The following UTS2B variants were observed in gnomAD, a reference collection of about 807,000 sequenced individuals.
UTS2B encodes urotensin 2B, also known as urotensin-2B.
Under a neutral mutation model 19.2 loss-of-function variants are expected in UTS2B, and 21 were observed. The ratio of observed to expected loss-of-function variants is 1.09; its 90% CI spans 0.78 to 1.58. The LOEUF (loss-of-function observed/expected upper bound fraction) is 1.58, where lower values mean the gene tolerates loss of function less well. Among genes scored for constraint, UTS2B ranks in the 40% most tolerant of loss-of-function variants. The pLI is 0.00. For missense variants in UTS2B, 138 were observed against 130.3 expected, an observed-to-expected ratio of 1.06 and a Z score of -0.29; for synonymous variants, 57 against 50.2, an observed-to-expected ratio of 1.14 and a Z score of -0.58.
At chr3:191,299,758 T>C (rs12488853) in intron 4 of UTS2B, among the ~76,000 whole-genome samples, 4,720 of 152,004 alleles carry the variant, frequency 0.031, 165 homozygotes, top group East Asian at 0.14. Context: ...AACACCAGAA[T>C]TGTAGATACA....
intron 2 of UTS2B, among the ~76,000 whole-genome samples, chr3:191,324,351 AGAGT>A (rs1444046544): frequency 6.6e-6 from 1 of 152,238 alleles, no homozygotes; most frequent in African/African-American, 2.4e-5. Context: ...AACTGAAAAT[AGAGT>A]AAGACAGATG....
chr3:191,345,081 G>T, the UTS2B span, among the ~76,000 whole-genome samples: 4 of 152,176 alleles, frequency 2.6e-5, no homozygotes, highest in African/African-American at 9.7e-5. Context: ...TGTCCTGATT[G>T]AGCTCATTTT....
intron 3 of UTS2B, among the ~76,000 whole-genome samples, chr3:191,315,699 C>T (rs1194129271): frequency 6.6e-6 from 1 of 152,178 alleles, no homozygotes; most frequent in African/African-American, 2.4e-5. Flanking sequence ...GAACATTCGT[C>T]TCATGTTTTC....
intron 5 of UTS2B, among the ~76,000 whole-genome samples, 174 bp downstream of exon 5, chr3:191,281,913 C>T (rs6788097): frequency 0.5 from 76,552 of 151,590 alleles, 21,082 homozygotes; most frequent in Middle Eastern, 0.63. Flanking sequence ...AAAAGAACAG[C>T]ATTGAAGATG....
chr3:191,282,010 GA>G, intron 5 of UTS2B, 76 bp downstream of exon 5: 1 of 1,099,522 alleles, frequency 9.1e-7, no homozygotes, highest in East Asian at 2.5e-5. Context: ...AACAATGGCA[GA>G]AAAATCAAAT....
intron 2 of UTS2B, among the ~76,000 whole-genome samples, chr3:191,317,004 G>A (rs1410032015): frequency 2.0e-5 from 3 of 152,250 alleles, no homozygotes; most frequent in Non-Finnish European, 4.4e-5. Context: ...GTCCCGCACT[G>A]CGTGCCTGCA....
chr3:191,271,441 G>A (rs1436253239), intron 8 of UTS2B, among the ~76,000 whole-genome samples: 2 of 152,106 alleles, frequency 1.3e-5, no homozygotes, highest in Non-Finnish European at 2.9e-5. Context: ...TTCTTCCTTG[G>A]CAATACTTGT....
chr3:191,268,421 C>A lies in UTS2B; in HGVS notation c.355G>T (p.Val119Phe), dbSNP rs1716001006. The A allele has an allele frequency of 2.6e-6, 4 of 1,561,854 alleles. No individual in the cohort carries two copies. In the South Asian group the frequency reaches 4.6e-5, roughly 18 times the overall value. The change falls in exon 9 of 9, where the codon GTT (valine) becomes TTT (phenylalanine). Residue 119 changes from valine (V) to phenylalanine (F), a missense_variant. Val to Phe is a conservative substitution (Grantham distance 50). Transcript: ENST00000340524. Reference sequence around the variant, plus strand: ...TTGCATCCAGAGAAAAAGCTTTAAACACAGTATTTCCAAAAGCAAGCTAAA... The same window carrying A: ...TTGCATCCAGAGAAAAAGCTTTAAAAACAGTATTTCCAAAAGCAAGCTAAA... Reference protein sequence around the residue: ...SKRACFWKYCV With the variant: ...SKRACFWKYCF
chr3:191,342,669 C>G, the UTS2B span, among the ~76,000 whole-genome samples: 1 of 152,148 alleles, frequency 6.6e-6, no homozygotes, highest in Admixed American at 6.5e-5. Context: ...AAACAGAGTA[C>G]TGGCTGCCAA....
chr3:191,277,058 T>C (rs1414622472), intron 6 of UTS2B, among the ~76,000 whole-genome samples: 2 of 152,200 alleles, frequency 1.3e-5, no homozygotes, highest in African/African-American at 2.4e-5. Flanking sequence ...TATGTAATTT[T>C]CAACAATTAG....
chr3:191,329,940 G>A (rs1717898460), intron 1 of UTS2B, among the ~76,000 whole-genome samples: 1 of 85,704 alleles, frequency 1.2e-5, no homozygotes, highest in Non-Finnish European at 2.0e-5. Context: ...CAAGGGGGTG[G>A]TTGGGGGGGG....
At position 191,267,580 on chromosome 3, in the gene UTS2B, G is replaced by T. The variant is rs1031298953; in HGVS notation, c.*836C>A. 1 of 152,238 alleles carries T rather than the reference G, an allele frequency of 6.6e-6. No individual in the cohort carries two copies. The highest frequency in any genetic ancestry group is 2.1e-4 in the South Asian group (1 of 4,824). The allele number at this position is 152,238 out of a possible 1,614,324, so 9.4% of individuals were successfully genotyped here. On this transcript the variant is annotated 3_prime_UTR_variant, in exon 9 of 9. Coordinates refer to ENST00000340524, the MANE Select transcript of UTS2B (RefSeq NM_198152.5). ...AGATAGTGAAAGCTGGGTCCAGGGGGGTCACCACCTTCTGGTCCCATGGTG... is the reference window on the plus strand; with the variant it reads ...AGATAGTGAAAGCTGGGTCCAGGGGTGTCACCACCTTCTGGTCCCATGGTG...
At chr3:191,317,083 C>T (rs1475563801) in intron 2 of UTS2B, among the ~76,000 whole-genome samples, 5 of 152,224 alleles carry the variant, frequency 3.3e-5, no homozygotes, top group Non-Finnish European at 7.3e-5. Flanking sequence ...GTCAGGGAGG[C>T]TCGGGCCGTG....
chr3:191,327,867 A>G (rs540955910), intron 2 of UTS2B, among the ~76,000 whole-genome samples: 2 of 152,348 alleles, frequency 1.3e-5, no homozygotes, highest in Admixed American at 6.5e-5. Flanking sequence ...AAAAATTCCC[A>G]TAAATCTACC....
chr3:191,310,153 ATGGTG>A (rs1422741704), intron 3 of UTS2B, among the ~76,000 whole-genome samples: 5 of 151,644 alleles, frequency 3.3e-5, no homozygotes, highest in African/African-American at 1.2e-4. Flanking sequence ...TTTGGTAGAG[ATGGTG>A]TTTCACCATG....
chr3:191,342,536 T>C, the UTS2B span, among the ~76,000 whole-genome samples: 1 of 152,176 alleles, frequency 6.6e-6, no homozygotes, highest in Non-Finnish European at 1.5e-5. Context: ...ATGGTTTTTC[T>C]TCCCCTGGTG....
At chr3:191,309,882 A>G (rs956209664) in intron 3 of UTS2B, among the ~76,000 whole-genome samples, 5 of 152,138 alleles carry the variant, frequency 3.3e-5, no homozygotes, top group African/African-American at 1.2e-4. Flanking sequence ...ATCCTGCAGA[A>G]CCATGAGCCA....
chr3:191,286,224 C>T (rs1716540306), intron 4 of UTS2B, among the ~76,000 whole-genome samples: 1 of 152,116 alleles, frequency 6.6e-6, no homozygotes, highest in African/African-American at 2.4e-5. Context: ...ACAGATTGTA[C>T]AGACAGAAAA....
At chr3:191,318,107 C>T (rs942246549) in intron 2 of UTS2B, among the ~76,000 whole-genome samples, 2 of 152,152 alleles carry the variant, frequency 1.3e-5, no homozygotes, top group Admixed American at 6.5e-5. Context: ...AGGGCATGTG[C>T]GATGAGAAGC....
Sources: allele counts gnomAD v4.1 joint callset (sites outside exome capture counted in the v4.1 genomes callset), GRCh38; gene constraint gnomAD v4.1.1; transcripts MANE v1.5; gene names NCBI Gene and HGNC (gene_info 2026-07-23, HGNC 2026-07-21).